Variants in CAPN13 observed in about 807,000 individuals in gnomAD.
The protein encoded by CAPN13 is calpain-13.
CAPN13 carries 90 observed loss-of-function variants against 98.4 expected under a neutral mutation model. That is an observed-to-expected ratio of 0.92 (90% confidence interval 0.77 to 1.09). The LOEUF is 1.09. Ranked by LOEUF, CAPN13 falls within the 50% of genes least tolerant of loss-of-function variation. The pLI is 0.00. For missense variants in CAPN13, 887 were observed against 841.3 expected, an observed-to-expected ratio of 1.05 and a Z score of -0.67; for synonymous variants, 330 against 305.5, an observed-to-expected ratio of 1.08 and a Z score of -0.84.
At chr2:30,801,520 G>T (rs538150134) in intron 1 of CAPN13, among the ~76,000 whole-genome samples, 46 of 150,190 alleles carry the variant, frequency 3.1e-4, no homozygotes, top group African/African-American at 1.1e-3. Flanking sequence ...CTGGAGAATC[G>T]CTTGAACCCG....
chr2:30,765,027 C>T (rs189757782), intron 5 of CAPN13, among the ~76,000 whole-genome samples: 1 of 152,258 alleles, frequency 6.6e-6, no homozygotes, highest in East Asian at 1.9e-4. Flanking sequence ...AACCCTCACC[C>T]CCTTCTCCAA....
At chr2:30,763,231 C>G in intron 6 of CAPN13, 75 bp from the exon 7 acceptor site, 1 of 1,352,522 alleles carries the variant, frequency 7.4e-7, no homozygotes, top group South Asian at 1.3e-5. Flanking sequence ...ACAGTCCAAA[C>G]AGCCACTGAG....
At chr2:30,764,734 G>A (rs538557632) in intron 5 of CAPN13, among the ~76,000 whole-genome samples, 17 of 152,254 alleles carry the variant, frequency 1.1e-4, no homozygotes, top group African/African-American at 4.1e-4. Flanking sequence ...AGTAACTCCT[G>A]CTTCCCATTC....
chr2:30,770,468 T>C lies in CAPN13; in HGVS notation c.388-19A>G, dbSNP rs1483557900. ...GCCAGAACTGGAAGAGAGCCAAGCA[T>C]ATGCTTTGACAGAGTTGAGGCAGAA... On this transcript the variant is annotated intron_variant, in intron 4 of 22. Transcript: ENST00000295055. The C allele has an allele frequency of 2.5e-6, 4 of 1,612,418 alleles. No homozygotes were observed. The highest frequency in any genetic ancestry group is 3.4e-6 in the Non-Finnish European group (4 of 1,178,846).
chr2:30,748,255 C>T (rs1316516209), intron 11 of CAPN13, among the ~76,000 whole-genome samples: 1 of 152,178 alleles, frequency 6.6e-6, no homozygotes, highest in African/African-American at 2.4e-5. Context: ...TCTCCTTCTG[C>T]CTTTAGCCTT....
chr2:30,743,855 T>C (rs547685346), intron 12 of CAPN13: 515 of 571,040 alleles, frequency 9.0e-4, no homozygotes, highest in Non-Finnish European at 1.5e-3. Flanking sequence ...GAGTTTTCTC[T>C]CCCTGCTTAT....
chr2:30,739,306 G>A (rs113862988), intron 15 of CAPN13, among the ~76,000 whole-genome samples: 45 of 152,278 alleles, frequency 3.0e-4, no homozygotes, highest in African/African-American at 9.9e-4. Flanking sequence ...TTATCAGCAG[G>A]TGGTCCTGTA....
At chr2:30,800,164 GA>G (rs1675174206) in intron 1 of CAPN13, among the ~76,000 whole-genome samples, 6 of 151,202 alleles carry the variant, frequency 4.0e-5, no homozygotes, top group African/African-American at 1.5e-4. Context: ...AAGAAAGAAA[GA>G]AAGAAAGAAA....
At chr2:30,787,094 T>C in intron 2 of CAPN13, 34 bp downstream of exon 2, 2 of 1,495,412 alleles carry the variant, frequency 1.3e-6, no homozygotes, top group African/African-American at 1.4e-5. Flanking sequence ...CCGAGGACCC[T>C]GGAGCTGGGT....
chr2:30,784,037 A>G (rs913658396), intron 2 of CAPN13, among the ~76,000 whole-genome samples: 1 of 152,008 alleles, frequency 6.6e-6, no homozygotes, highest in Non-Finnish European at 1.5e-5. Flanking sequence ...AAAATTAGCC[A>G]GGCATGGTGG....
At chr2:30,806,632 T>A (rs1459160594) in intron 1 of CAPN13, among the ~76,000 whole-genome samples, 1 of 152,156 alleles carries the variant, frequency 6.6e-6, no homozygotes, top group African/African-American at 2.4e-5. Flanking sequence ...TTAACTTGGG[T>A]CCAAGCTGAG....
intron 5 of CAPN13, among the ~76,000 whole-genome samples, chr2:30,766,395 TTAC>T (rs1673114210): frequency 1.3e-5 from 2 of 152,228 alleles, no homozygotes; most frequent in South Asian, 4.1e-4. Context: ...AAGTCTTCTC[TTAC>T]TACGTATCCA....
At chr2:30,738,621 T>C (rs527296312) in intron 15 of CAPN13, among the ~76,000 whole-genome samples, 164 bp from the exon 16 acceptor site, 2 of 152,322 alleles carry the variant, frequency 1.3e-5, no homozygotes, top group South Asian at 4.1e-4. Context: ...CCAGCCATAG[T>C]AGTGACTCCC....
At chr2:30,741,126 T>A (rs1671630303) in intron 15 of CAPN13, among the ~76,000 whole-genome samples, 1 of 152,214 alleles carries the variant, frequency 6.6e-6, no homozygotes, top group South Asian at 2.1e-4. Flanking sequence ...GGGCTGGTAC[T>A]GACTTCATGG....
intron 21 of CAPN13, 76 bp from the exon 22 acceptor site, chr2:30,730,862 T>C: frequency 1.3e-6 from 1 of 774,800 alleles, no homozygotes; most frequent in Non-Finnish European, 2.4e-6. Flanking sequence ...AATGCCACCC[T>C]CCTCCCTCGG....
intron 1 of CAPN13, among the ~76,000 whole-genome samples, chr2:30,788,346 C>T (rs1397182706): frequency 3.3e-5 from 5 of 152,132 alleles, no homozygotes; most frequent in Non-Finnish European, 1.5e-5. Flanking sequence ...TGTTAGCATC[C>T]CAATTTTCCT....
rs372115075 is a variant in CAPN13, at chr2:30,761,906, A to G, written c.774+1176T>C. Among the ~76,000 whole-genome samples the G allele has an allele frequency of 9.2e-5, 14 of 152,338 alleles. No individual in the cohort carries two copies. In the East Asian group the frequency reaches 1.5e-3, roughly 17 times the overall value. Reference sequence around the variant, plus strand: ...GGAAAGGAGGAGAGGCCAGGCAAGTATGAGAAAGCCACACATAGAGCCTGA... The same window carrying G: ...GGAAAGGAGGAGAGGCCAGGCAAGTGTGAGAAAGCCACACATAGAGCCTGA... On this transcript the variant is annotated intron_variant, in intron 7 of 22. Coordinates refer to ENST00000295055, the MANE Select transcript of CAPN13 (RefSeq NM_144575.3).
intron 1 of CAPN13, among the ~76,000 whole-genome samples, chr2:30,797,433 GAATGATCTTGGCC>G (rs1674942278): frequency 6.6e-6 from 1 of 152,328 alleles, no homozygotes; most frequent in African/African-American, 2.4e-5. Context: ...CTTACTGACT[GAATGATCTTGGCC>G]AATACTCTTA....
rs780978906 is a variant in CAPN13 at position 30,738,268 on chromosome 2, T to G, written c.1620A>C (p.Leu540Phe). 3 of 1,613,870 alleles carry G rather than the reference T, an allele frequency of 1.9e-6. No individual in the cohort carries two copies. In the African/African-American group the frequency reaches 4.0e-5, roughly 22 times the overall value. ...GAGCCACCAAGCTGCGGCACTCATC[T>G]AAGGAGAACATGTCCCCTGGAGGTC... is the stretch of plus-strand genomic sequence containing the variant. ...LTGPPGDMFSLDECRSLVALM... is the reference protein window; with the variant it reads ...LTGPPGDMFSFDECRSLVALM... Residue 540 changes from leucine (L) to phenylalanine (F), a missense_variant, in exon 17 of 23, where the codon TTA (leucine) becomes TTC (phenylalanine). Transcript: ENST00000295055.
Sources: allele counts gnomAD v4.1 joint callset (sites outside exome capture counted in the v4.1 genomes callset), GRCh38; gene constraint gnomAD v4.1.1; transcripts MANE v1.5; gene names NCBI Gene and HGNC (gene_info 2026-07-23, HGNC 2026-07-21).